The following DEPDC1B variants were observed in gnomAD, a reference collection of about 807,000 sequenced individuals.
The protein encoded by DEPDC1B is DEP domain containing 1B.
DEPDC1B carries 51 observed loss-of-function variants against 66.5 expected under a neutral mutation model. That is an observed-to-expected ratio of 0.77 (90% CI 0.61 to 0.97). The LOEUF is 0.97. DEPDC1B is among the 50% of genes least tolerant of loss of function. The pLI, the probability that DEPDC1B is intolerant of heterozygous loss-of-function variation, is 0.00. For missense variants in DEPDC1B, 552 were observed against 637.1 expected, an observed-to-expected ratio of 0.87 and a Z score of 1.44; for synonymous variants, 226 against 223.6, an observed-to-expected ratio of 1.01 and a Z score of -0.10.
rs59421459 is a variant in DEPDC1B at position 60,656,159 on chromosome 5, ATT to A, written c.315-8628_315-8627del. On this transcript the variant is annotated intron_variant, in intron 2 of 10. Transcript: ENST00000265036. The stretch of plus-strand genomic sequence containing the variant: ...TTGTCCTAAGGTATAGTTTAAGTCC[ATT>A]TTTTTTTTTTTTTTTTTGAGACGGA... 3.7e-3 allele frequency among the ~76,000 whole-genome samples: 464 copies of A among 125,882 alleles called. 1 individual carries two copies. The highest frequency in any genetic ancestry group is 0.013 in the African/African-American group (412 of 31,250). The allele number at this position is 125,882 out of a possible 152,430, so 82.6% of individuals were successfully genotyped here.
At chr5:60,652,960 T>G (rs1226468892) in intron 2 of DEPDC1B, among the ~76,000 whole-genome samples, 2 of 149,482 alleles carry the variant, frequency 1.3e-5, no homozygotes, top group Non-Finnish European at 2.9e-5. Flanking sequence ...TGGAGTAGTA[T>G]TCTATGGTGT....
chr5:60,604,600 A>G (rs767807565), intron 8 of DEPDC1B, among the ~76,000 whole-genome samples: 20 of 151,910 alleles, frequency 1.3e-4, no homozygotes, highest in South Asian at 2.1e-4. Context: ...TATCGCTGAC[A>G]ATCTTCCTTC....
At chr5:60,636,406 A>G (rs1307028085) in intron 7 of DEPDC1B, among the ~76,000 whole-genome samples, 1 of 152,212 alleles carries the variant, frequency 6.6e-6, no homozygotes, top group African/African-American at 2.4e-5. Flanking sequence ...GAAACCTCAA[A>G]AGAAGTTTAT....
chr5:60,664,240 C>T (rs1403558212), intron 2 of DEPDC1B, among the ~76,000 whole-genome samples: 3 of 152,306 alleles, frequency 2.0e-5, no homozygotes, highest in African/African-American at 7.2e-5. Context: ...CAGCTTGCAA[C>T]CCGTGGCATA....
chr5:60,667,547 T>TGGATATTTTACATATATAAAAAAAA (rs1753876724), intron 2 of DEPDC1B, among the ~76,000 whole-genome samples: 1 of 144,844 alleles, frequency 6.9e-6, no homozygotes, highest in Non-Finnish European at 1.5e-5. Context: ...ATATAAAAAA[T>TGGATATTTTACATATATAAAAAAAA]GGATATTTTA....
chr5:60,670,386 A>G (rs1447733000), intron 2 of DEPDC1B, among the ~76,000 whole-genome samples: 2 of 152,228 alleles, frequency 1.3e-5, no homozygotes, highest in Non-Finnish European at 2.9e-5. Context: ...AAAAATAAAA[A>G]ATAACAAAAT....
intron 2 of DEPDC1B, among the ~76,000 whole-genome samples, chr5:60,650,391 G>A (rs1334074273): frequency 6.6e-6 from 1 of 152,184 alleles, no homozygotes; most frequent in East Asian, 1.9e-4. Flanking sequence ...GGGCCGGATA[G>A]TTCTTTGTTG....
intron 7 of DEPDC1B, among the ~76,000 whole-genome samples, chr5:60,613,447 G>A (rs1458828001): frequency 1.3e-5 from 2 of 152,182 alleles, no homozygotes; most frequent in Non-Finnish European, 2.9e-5. Context: ...GCTAAGATCT[G>A]AGAATCCCAA....
At chr5:60,674,791 A>G (rs1754118354) in intron 2 of DEPDC1B, among the ~76,000 whole-genome samples, 1 of 152,180 alleles carries the variant, frequency 6.6e-6, no homozygotes, top group South Asian at 2.1e-4. Flanking sequence ...TGATTTAACC[A>G]TAAAGGAATT....
At chr5:60,692,964 T>C (rs1479736422) in intron 1 of DEPDC1B, among the ~76,000 whole-genome samples, 1 of 152,088 alleles carries the variant, frequency 6.6e-6, no homozygotes, top group Non-Finnish European at 1.5e-5. Context: ...TTTAAAATAA[T>C]GATAGCAGTT....
chr5:60,614,832 A>C (rs2111751946), intron 7 of DEPDC1B, among the ~76,000 whole-genome samples: 1 of 152,140 alleles, frequency 6.6e-6, no homozygotes, highest in Non-Finnish European at 1.5e-5. Context: ...CTCTACTAAA[A>C]ATACAAAACA....
At chr5:60,609,036 T>C (rs1283549808) in intron 7 of DEPDC1B, among the ~76,000 whole-genome samples, 1 of 151,988 alleles carries the variant, frequency 6.6e-6, no homozygotes. Flanking sequence ...CTTGAGCCTA[T>C]GAGTTTGAGT....
chr5:60,668,110 T>TTTATATATATATATAAAATGGATA lies in DEPDC1B; in HGVS notation c.314+18828_314+18851dup, dbSNP rs1561384831. 1.1e-4 allele frequency among the ~76,000 whole-genome samples: 10 copies of TTTATATATATATATAAAATGGATA among 91,172 alleles called. 1 individual carries two copies. The highest frequency in any genetic ancestry group is 2.4e-4 in the Admixed American group (2 of 8,170). The allele number at this position is 91,172 out of a possible 152,430, so 59.8% of individuals were successfully genotyped here. A position where few individuals can be genotyped will look rare whatever the true frequency, so the allele number is the denominator to read the frequency against. On this transcript the variant is annotated intron_variant, in intron 2 of 10. Coordinates refer to ENST00000265036, the MANE Select transcript of DEPDC1B (RefSeq NM_018369.3). Reference sequence around the variant, plus strand: ...TTATATATATATATAAAATGGATATTTTATATATATATATAAAATGGATAT... The same window carrying TTTATATATATATATAAAATGGATA: ...TTATATATATATATAAAATGGATATTTTATATATATATATAAAATGGATATTATATATATATATAAAATGGATAT...
At chr5:60,638,643 A>C in intron 7 of DEPDC1B, 107 bp downstream of exon 7, 3 of 1,183,792 alleles carry the variant, frequency 2.5e-6, no homozygotes, top group Non-Finnish European at 3.5e-6. Context: ...ATCAGTTTTT[A>C]TTTTTAAAAT....
intron 2 of DEPDC1B, among the ~76,000 whole-genome samples, chr5:60,667,403 A>G: frequency 7.0e-6 from 1 of 142,020 alleles, no homozygotes; most frequent in Non-Finnish European, 1.5e-5. Flanking sequence ...GATATTTTAC[A>G]TATATACAAA....
chr5:60,606,175 A>T (rs1424365221), intron 7 of DEPDC1B, among the ~76,000 whole-genome samples: 1 of 152,114 alleles, frequency 6.6e-6, no homozygotes, highest in Non-Finnish European at 1.5e-5. Context: ...CATAACCCTC[A>T]ACACTCACGT....
intron 2 of DEPDC1B, among the ~76,000 whole-genome samples, chr5:60,659,453 C>A (rs182985992): frequency 2.6e-5 from 4 of 152,298 alleles, no homozygotes; most frequent in African/African-American, 9.6e-5. Flanking sequence ...GTGAGGCTAT[C>A]TAGGGAAGGG....
At chr5:60,677,956 G>A (rs113756775) in intron 2 of DEPDC1B, among the ~76,000 whole-genome samples, 1 of 152,118 alleles carries the variant, frequency 6.6e-6, no homozygotes, top group Non-Finnish European at 1.5e-5. Context: ...TATCTAAAAC[G>A]GGTCCAAAAG....
chr5:60,683,651 A>T (rs554257485), intron 2 of DEPDC1B, among the ~76,000 whole-genome samples: 53 of 152,318 alleles, frequency 3.5e-4, no homozygotes, highest in Non-Finnish European at 5.9e-4. Flanking sequence ...CTCACAGCTA[A>T]CATCATTGAA....
Sources: gnomAD v4.1 joint callset for allele counts (sites outside exome capture counted in the v4.1 genomes callset) on GRCh38, gnomAD v4.1.1 for gene constraint, MANE v1.5 for transcripts, NCBI Gene and HGNC (gene_info 2026-07-23, HGNC 2026-07-21) for gene names.